The following JPH2 variants were observed in gnomAD, a reference collection of about 807,000 sequenced individuals.
JPH2 encodes the protein junctophilin 2.
A neutral mutation model predicts 55.9 loss-of-function variants in JPH2; 38 were observed. The observed-to-expected ratio is 0.68, with a 90% CI of 0.52 to 0.89. The LOEUF (loss-of-function observed/expected upper bound fraction) is 0.89, where lower values mean the gene tolerates loss of function less well. JPH2 is among the 40% of genes least tolerant of loss of function. JPH2 has a pLI of 0.00. For synonymous variants in JPH2, 480 were observed against 472.4 expected (o/e 1.02, Z -0.21); for missense variants, 964 against 1,037.6 (o/e 0.93, Z 0.97).
chr20:44,115,838 C>CGGGGCCTCGGAGCGTG lies in JPH2; in HGVS notation c.1821_1836dup (p.Glu613HisfsTer34), dbSNP rs2072185433. On this transcript the variant is annotated frameshift_variant, in exon 4 of 6. Transcript: ENST00000372980. LOFTEE classifies it high-confidence loss of function. The stretch of plus-strand genomic sequence containing the variant: ...TTGGCGGGGGTCTCGCGTGCAGGCT[C>CGGGGCCTCGGAGCGTG]GGGGCCTCGGAGCGTGGGGGCCTGC... The CGGGGCCTCGGAGCGTG allele has an allele frequency of 6.3e-7, 1 of 1,596,608 alleles. No individual in the cohort carries two copies. Among genetic ancestry groups the CGGGGCCTCGGAGCGTG allele is most frequent in the Non-Finnish European group, 8.5e-7 (1 of 1,176,576 alleles).
rs1238224955 is a variant in JPH2, at chr20:44,113,309, GC to G, written c.*208del. 2.0e-5 allele frequency: 3 copies of G among 152,508 alleles called. No individual in the cohort carries two copies. Among genetic ancestry groups the G allele is most frequent in the Admixed American group, 1.3e-4 (2 of 15,286 alleles). The allele number at this position is 152,508 out of a possible 1,614,324, so 9.4% of individuals were successfully genotyped here. Reference sequence around the variant, plus strand: ...CCCTGGGTAGAGAGCTCCTGAAGGAGCCCAGGACATTCCATTCCTCTTGGCA... The same window carrying G: ...CCCTGGGTAGAGAGCTCCTGAAGGAGCCAGGACATTCCATTCCTCTTGGCA... On this transcript the variant is annotated 3_prime_UTR_variant, in exon 6 of 6. Coordinates refer to ENST00000372980, the MANE Select transcript of JPH2 (RefSeq NM_020433.5).
chr20:44,171,290 G>A (rs2072696036), intron 1 of JPH2, among the ~76,000 whole-genome samples: 1 of 152,188 alleles, frequency 6.6e-6, no homozygotes, highest in Non-Finnish European at 1.5e-5. Context: ...ATTTAAGCTG[G>A]TATAGCCCTT....
At chr20:44,114,938 G>T (rs1256578174) in intron 4 of JPH2, 62 bp from the exon 5 acceptor site, 3 of 1,316,784 alleles carry the variant, frequency 2.3e-6, no homozygotes, top group Non-Finnish European at 3.2e-6. Flanking sequence ...CCCCACCCAG[G>T]TCACAGCAAG....
chr20:44,111,840 G>GA lies in JPH2; in HGVS notation c.*1677dup, dbSNP rs34525185. On this transcript the variant is annotated 3_prime_UTR_variant, in exon 6 of 6. Transcript: ENST00000372980. Reference sequence around the variant, plus strand: ...CAGCACCAGCCAAAAAAAAACAACAGAAAAAAAACAGGACAAGAATCTCCG... The same window carrying GA: ...CAGCACCAGCCAAAAAAAAACAACAGAAAAAAAAACAGGACAAGAATCTCCG... 0.012 allele frequency: 1,891 copies of GA among 151,896 alleles called. 49 individuals carry two copies. The highest frequency in any genetic ancestry group is 0.044 in the African/African-American group (1,809 of 41,348). The allele number at this position is 151,896 out of a possible 1,614,324, so 9.4% of individuals were successfully genotyped here.
At chr20:44,179,270 G>A (rs547839305) in intron 1 of JPH2, among the ~76,000 whole-genome samples, 1 of 152,284 alleles carries the variant, frequency 6.6e-6, no homozygotes, top group African/African-American at 2.4e-5. Context: ...TTCCATGACG[G>A]TTTGTTTCAA....
At chr20:44,137,812 A>G (rs2072424877) in intron 2 of JPH2, among the ~76,000 whole-genome samples, 1 of 152,074 alleles carries the variant, frequency 6.6e-6, no homozygotes, top group African/African-American at 2.4e-5. Context: ...GATTTTGAAC[A>G]AGTCCTTCTA....
intron 1 of JPH2, among the ~76,000 whole-genome samples, chr20:44,163,496 C>T (rs987043173): frequency 6.6e-6 from 1 of 152,172 alleles, no homozygotes; most frequent in African/African-American, 2.4e-5. Flanking sequence ...CCTACCTCTT[C>T]TGCATGAAGA....
intron 1 of JPH2, among the ~76,000 whole-genome samples, chr20:44,174,669 G>C: frequency 6.6e-6 from 1 of 152,250 alleles, no homozygotes; most frequent in East Asian, 1.9e-4. Flanking sequence ...AGCTACTCGG[G>C]AGGCTGAGGC....
intron 2 of JPH2, among the ~76,000 whole-genome samples, chr20:44,134,773 TTTATAAATATACATAAATATAC>T (rs1209852546): frequency 1.2e-4 from 13 of 104,734 alleles, no homozygotes; most frequent in Middle Eastern, 4.5e-3. Context: ...TATAAAAATA[TTTATAAATATACATAAATATAC>T]ATTTATTATA....
chr20:44,151,255 G>A (rs2072527902), intron 2 of JPH2, among the ~76,000 whole-genome samples: 1 of 152,156 alleles, frequency 6.6e-6, no homozygotes. Flanking sequence ...AGTGGCTCAC[G>A]CCTGTAATCC....
chr20:44,152,707 G>A (rs1426058975), intron 2 of JPH2, among the ~76,000 whole-genome samples: 1 of 152,228 alleles, frequency 6.6e-6, no homozygotes. Flanking sequence ...TGTCCCCCAT[G>A]GTGTGGAAAT....
rs181329740 is a variant in JPH2 at position 44,111,227 on chromosome 20, C to T, written c.*2291G>A. On this transcript the variant is annotated 3_prime_UTR_variant, in exon 6 of 6. Coordinates refer to ENST00000372980, the MANE Select transcript of JPH2 (RefSeq NM_020433.5). ...GGGTCCCTGGGATCCTCTACCAAAA[C>T]GCAAGAGGGCTTGTAGCAGAGCTAA... 1.8e-4 allele frequency among the ~76,000 whole-genome samples: 28 copies of T among 152,308 alleles called. No homozygotes were observed. The East Asian group carries it at 2.7e-3, about 15-fold the overall frequency.
rs577908347 is a variant in JPH2, at chr20:44,106,641, C to T, written c.*6877G>A. Among the ~76,000 whole-genome samples the T allele has an allele frequency of 2.0e-5, 3 of 152,196 alleles. No individual in the cohort carries two copies. The highest frequency in any genetic ancestry group is 1.5e-5 in the Non-Finnish European group (1 of 67,996). On this transcript the variant is annotated 3_prime_UTR_variant, in exon 6 of 6. Coordinates refer to ENST00000372980, the MANE Select transcript of JPH2 (RefSeq NM_020433.5). ...TCACAGTTCCAAGTGGCTAGGGAAG[C>T]CTCACAATCATGGTGGAAGACAAGG...
intron 2 of JPH2, among the ~76,000 whole-genome samples, chr20:44,144,856 CAG>C (rs1289612958): frequency 2.0e-5 from 3 of 152,200 alleles, no homozygotes; most frequent in Non-Finnish European, 2.9e-5. Flanking sequence ...AGGGGGCACT[CAG>C]AGATGCCCTG....
rs1228478375 is a variant in JPH2, at chr20:44,186,423, C to T, written c.283G>A (p.Gly95Arg). Residue 95 changes from glycine to arginine, a missense_variant, in exon 1 of 6, where the codon GGA becomes AGA. Transcript: ENST00000372980. ...CCGCTGCTTGAGCTCTGCCGGATTC[C>T]GTAGCGTCCCTTGAAGCCATGTGTC... is the stretch of plus-strand genomic sequence containing the variant. The part of the protein sequence containing the change: ...EWTHGFKGRY[G>R]IRQSSSSGAK... 1.9e-6 allele frequency: 3 copies of T among 1,613,842 alleles called. No individual in the cohort carries two copies. The highest frequency in any genetic ancestry group is 2.5e-6 in the Non-Finnish European group (3 of 1,179,980).
At position 44,114,946 on chromosome 20, in the gene JPH2, A is replaced by C. The variant is rs2072176221; in HGVS notation, c.2011-70T>G. 5 of 1,224,134 alleles carry C rather than the reference A, an allele frequency of 4.1e-6. No individual in the cohort carries two copies. The Admixed American group carries it at 7.9e-5, about 19-fold the overall frequency. The allele number at this position is 1,224,134 out of a possible 1,614,324, so 75.8% of individuals were successfully genotyped here. On this transcript the variant is annotated intron_variant, in intron 4 of 5. Transcript: ENST00000372980. Reference sequence around the variant, plus strand: ...AGACACCCCCCACCCAGGTCACAGCAAGGCTGGACAGAGCAGGAACTTCTG... The same window carrying C: ...AGACACCCCCCACCCAGGTCACAGCCAGGCTGGACAGAGCAGGAACTTCTG...
chr20:44,137,693 C>T (rs552745245), intron 2 of JPH2, among the ~76,000 whole-genome samples: 1 of 152,240 alleles, frequency 6.6e-6, no homozygotes, highest in Non-Finnish European at 1.5e-5. Context: ...CGGCCCCAGG[C>T]ACCGTGCCAG....
chr20:44,171,348 T>A (rs2072696662), intron 1 of JPH2, among the ~76,000 whole-genome samples: 3 of 152,118 alleles, frequency 2.0e-5, no homozygotes, highest in South Asian at 4.1e-4. Context: ...TTACAGTCAT[T>A]AGATGTGAAG....
At chr20:44,172,445 G>A (rs1212745505) in intron 1 of JPH2, among the ~76,000 whole-genome samples, 1 of 152,118 alleles carries the variant, frequency 6.6e-6, no homozygotes, top group Non-Finnish European at 1.5e-5. Context: ...AGTAGGAGCT[G>A]GCTCTAGTAA....
Sources: allele counts gnomAD v4.1 joint callset (sites outside exome capture counted in the v4.1 genomes callset), GRCh38; gene constraint gnomAD v4.1.1; transcripts MANE v1.5; gene names NCBI Gene and HGNC (gene_info 2026-07-23, HGNC 2026-07-21).